Variants in ZNF429 observed in about 807,000 individuals in gnomAD.
ZNF429 encodes zinc finger protein 429.
In ZNF429, 53 loss-of-function variants were observed where a neutral mutation model predicts 56.8. The observed-to-expected ratio is 0.93, with a 90% CI of 0.75 to 1.17. The LOEUF (loss-of-function observed/expected upper bound fraction) is 1.17. Ranked by LOEUF, ZNF429 falls within the 50% of genes most tolerant of loss-of-function variation. ZNF429 has a pLI of 0.00. For missense variants in ZNF429, 849 were observed against 788.4 expected (o/e 1.08, Z -0.92); for synonymous variants, 278 against 264.7 (o/e 1.05, Z -0.49).
chr19:21,513,678 T>C (rs1165807197), intron 1 of ZNF429, among the ~76,000 whole-genome samples: 1 of 152,222 alleles, frequency 6.6e-6, no homozygotes, highest in Non-Finnish European at 1.5e-5. Flanking sequence ...ATAAAACTCT[T>C]GGTATCTGGA....
In ZNF429 at chr19:21,539,351, AGTT is replaced by A. The variant is rs1182558617; in HGVS notation, c.*1277_*1279del. 2.0e-5 allele frequency among the ~76,000 whole-genome samples: 3 copies of A among 152,178 alleles called. No homozygotes were observed. The highest frequency in any genetic ancestry group is 4.4e-5 in the Non-Finnish European group (3 of 68,028). ...TGCTGAGTATAGAAAATAAAACTAA[AGTT>A]GTTAAATTATTTGTATATAACTTTT... On this transcript the variant is annotated 3_prime_UTR_variant, in exon 4 of 4. Coordinates refer to ENST00000358491, the MANE Select transcript of ZNF429 (RefSeq NM_001001415.4).
intron 1 of ZNF429, chr19:21,521,812 AAACTG>A (rs1259031427): frequency 2.6e-5 from 4 of 152,282 alleles, no homozygotes; most frequent in Non-Finnish European, 4.4e-5. Context: ...TTATAACTAG[AAACTG>A]AGGCTGAAAC....
At chr19:21,514,082 C>T (rs1209101065) in intron 1 of ZNF429, among the ~76,000 whole-genome samples, 1 of 152,180 alleles carries the variant, frequency 6.6e-6, no homozygotes, top group Non-Finnish European at 1.5e-5. Flanking sequence ...TCATCTGCCT[C>T]CATGGACCTA....
chr19:21,508,620 A>C (rs1330901415), intron 1 of ZNF429, among the ~76,000 whole-genome samples: 5 of 152,194 alleles, frequency 3.3e-5, no homozygotes, highest in African/African-American at 1.2e-4. Context: ...TGGGCTTCAG[A>C]AAAATCTATC....
Position 21,536,709 on chromosome 19 carries a change from A to G in ZNF429, c.656A>G (p.His219Arg), listed in dbSNP as rs2033692149. The G allele has an allele frequency of 6.2e-7, 1 of 1,614,048 alleles. No individual in the cohort carries two copies. Among genetic ancestry groups the G allele is most frequent in the Non-Finnish European group, 8.5e-7 (1 of 1,180,000 alleles). Residue 219 changes from histidine (H) to arginine (R), a missense_variant, in exon 4 of 4, where the codon CAT becomes CGT. By Grantham distance (29) the His-to-Arg change is conservative. Coordinates refer to ENST00000358491, the MANE Select transcript of ZNF429 (RefSeq NM_001001415.4). ...AFNQSSALTN[H>R]KRIYVGEKHY... ...AATCAGTCCTCAGCCCTTACTAACC[A>G]TAAGAGAATTTATGTTGGTGAGAAA... is the stretch of plus-strand genomic sequence containing the variant.
At chr19:21,517,144 A>G (rs1423329760) in intron 1 of ZNF429, among the ~76,000 whole-genome samples, 2 of 152,206 alleles carry the variant, frequency 1.3e-5, no homozygotes, top group Non-Finnish European at 2.9e-5. Flanking sequence ...GGTTCTAAAC[A>G]TGAAGAATGT....
chr19:21,536,702 A>G lies in ZNF429; in HGVS notation c.649A>G (p.Thr217Ala). The G allele has an allele frequency of 6.2e-7, 1 of 1,614,074 alleles. No individual in the cohort carries two copies. ...GNAFNQSSALTNHKRIYVGEK... is the reference protein window; with the variant it reads ...GNAFNQSSALANHKRIYVGEK... The stretch of plus-strand genomic sequence containing the variant: ...TGCCTTTAATCAGTCCTCAGCCCTT[A>G]CTAACCATAAGAGAATTTATGTTGG... The change falls in exon 4 of 4, where the codon ACT becomes GCT. Residue 217 changes from threonine to alanine, a missense_variant. Coordinates refer to ENST00000358491, the MANE Select transcript of ZNF429 (RefSeq NM_001001415.4).
At chr19:21,509,274 C>CCT (rs1452694021) in intron 1 of ZNF429, among the ~76,000 whole-genome samples, 1 of 152,138 alleles carries the variant, frequency 6.6e-6, no homozygotes, top group African/African-American at 2.4e-5. Flanking sequence ...GCTAGGATTA[C>CCT]AGGCATGAGC....
chr19:21,540,317 G>C lies in ZNF429; in HGVS notation c.*2239G>C, dbSNP rs145812313. 2.0e-3 allele frequency among the ~76,000 whole-genome samples: 303 copies of C among 152,170 alleles called. 1 individual carries two copies. Among genetic ancestry groups the C allele is most frequent in the African/African-American group, 6.9e-3 (286 of 41,518 alleles). ...AATAGCATCTCTAGTAATCTCTTTT[G>C]CCAGTAGCTTTAACTGGCAGATAAG... On this transcript the variant is annotated 3_prime_UTR_variant, in exon 4 of 4. Transcript: ENST00000358491.
Sources: gnomAD v4.1 joint callset for allele counts (sites outside exome capture counted in the v4.1 genomes callset) on GRCh38, gnomAD v4.1.1 for gene constraint, MANE v1.5 for transcripts, NCBI Gene and HGNC (gene_info 2026-07-23, HGNC 2026-07-21) for gene names.